Variants in CDH7 observed in about 807,000 individuals in gnomAD.
CDH7 encodes cadherin 7, also known as cadherin-7.
A neutral mutation model predicts 71.8 loss-of-function variants in CDH7; 25 were observed. The observed-to-expected ratio is 0.35, with a 90% CI of 0.25 to 0.49. The LOEUF (loss-of-function observed/expected upper bound fraction) is 0.49. Ranked by LOEUF, CDH7 falls within the 20% of genes least tolerant of loss-of-function variation. The pLI, the probability that CDH7 is intolerant of heterozygous loss-of-function variation, is 0.99. For synonymous variants in CDH7, 381 were observed against 363.8 expected (o/e 1.05, Z -0.54); for missense variants, 862 against 974.6 (o/e 0.88, Z 1.54).
At chr18:65,845,537 G>A (rs1388369205) in intron 7 of CDH7, among the ~76,000 whole-genome samples, 1 of 152,098 alleles carries the variant, frequency 6.6e-6, no homozygotes, top group Non-Finnish European at 1.5e-5. Context: ...GCAAACATGA[G>A]TTTGAGTTTT....
chr18:65,860,131 G>C (rs1313020747), intron 10 of CDH7, among the ~76,000 whole-genome samples: 1 of 151,888 alleles, frequency 6.6e-6, no homozygotes, highest in Non-Finnish European at 1.5e-5. Context: ...ATAAGTTGAT[G>C]GTCAACTAAA....
chr18:65,852,321 A>G (rs1913178778), intron 7 of CDH7, among the ~76,000 whole-genome samples: 1 of 152,142 alleles, frequency 6.6e-6, no homozygotes, highest in South Asian at 2.1e-4. Flanking sequence ...AATAACCTCA[A>G]TAATAATATA....
At chr18:65,762,089 A>G (rs760283953) in intron 1 of CDH7, among the ~76,000 whole-genome samples, 4 of 152,232 alleles carry the variant, frequency 2.6e-5, no homozygotes, top group Non-Finnish European at 5.9e-5. Flanking sequence ...CAATCAAATC[A>G]GAACACATCA....
In CDH7 at chr18:65,887,558, T is replaced by A. The variant is rs1343497240; in HGVS notation, c.*6664T>A. On this transcript the variant is annotated 3_prime_UTR_variant, in exon 12 of 12. Coordinates refer to ENST00000397968, the MANE Select transcript of CDH7 (RefSeq NM_004361.5). ...AATAAGTCACTACACAACTTATATA[T>A]ATTATGTATTTGTCTTTGAATTTTG... is the stretch of plus-strand genomic sequence containing the variant. The A allele has an allele frequency of 6.6e-6, 1 of 152,122 alleles. No homozygotes were observed. The highest frequency in any genetic ancestry group is 2.4e-5 in the African/African-American group (1 of 41,416). The allele number at this position is 152,122 out of a possible 1,614,324, so 9.4% of individuals were successfully genotyped here. A position where few individuals can be genotyped will look rare whatever the true frequency, so the allele number is the denominator to read the frequency against.
At chr18:65,819,328 G>A (rs1911834323) in intron 4 of CDH7, among the ~76,000 whole-genome samples, 1 of 152,156 alleles carries the variant, frequency 6.6e-6, no homozygotes, top group Admixed American at 6.5e-5. Context: ...AGATTGCAGA[G>A]TTCGGGCACG....
chr18:65,823,122 G>A (rs1039293382), intron 5 of CDH7, among the ~76,000 whole-genome samples: 6 of 151,808 alleles, frequency 4.0e-5, no homozygotes, highest in Non-Finnish European at 7.4e-5. Flanking sequence ...ACCTTTCTGA[G>A]CAAATACAAG....
intron 3 of CDH7, 121 bp downstream of exon 3, chr18:65,810,119 T>C: frequency 2.5e-6 from 2 of 802,782 alleles, no homozygotes; most frequent in Non-Finnish European, 4.0e-6. Flanking sequence ...GTGTATTGAT[T>C]GTCAGTTAGG....
intron 6 of CDH7, among the ~76,000 whole-genome samples, chr18:65,828,420 A>G (rs1180523833): frequency 6.6e-6 from 1 of 152,132 alleles, no homozygotes; most frequent in Non-Finnish European, 1.5e-5. Flanking sequence ...TTCTATAAAT[A>G]TATTACTCTT....
At position 65,886,924 on chromosome 18, in the gene CDH7, A is replaced by G. The variant is rs1914387038; in HGVS notation, c.*6030A>G. ...ATATTACTTTTTGTCAGTGATGCCA[A>G]GATGAATGTTAATAAGCTCTCTTCT... On this transcript the variant is annotated 3_prime_UTR_variant, in exon 12 of 12. Transcript: ENST00000397968. 6.6e-6 allele frequency: 1 copy of G among 152,156 alleles called. No individual in the cohort carries two copies. Among genetic ancestry groups the G allele is most frequent in the Admixed American group, 6.5e-5 (1 of 15,276 alleles). 9.4% of individuals were successfully genotyped at this position (152,156 alleles called of 1,614,324 possible). A position where few individuals can be genotyped will look rare whatever the true frequency, so the allele number is the denominator to read the frequency against.
intron 6 of CDH7, among the ~76,000 whole-genome samples, chr18:65,836,543 T>A (rs1350086214): frequency 6.6e-6 from 1 of 152,176 alleles, no homozygotes; most frequent in African/African-American, 2.4e-5. Flanking sequence ...TAGACTGCAA[T>A]CATTTCTGCA....
At chr18:65,755,056 A>G (rs866491578) in intron 1 of CDH7, among the ~76,000 whole-genome samples, 1 of 152,192 alleles carries the variant, frequency 6.6e-6, no homozygotes, top group Non-Finnish European at 1.5e-5. Context: ...TACTTAGAAA[A>G]TTAAAACTTA....
At chr18:65,773,702 T>C (rs1399235461) in intron 2 of CDH7, among the ~76,000 whole-genome samples, 4 of 152,124 alleles carry the variant, frequency 2.6e-5, no homozygotes, top group Non-Finnish European at 4.4e-5. Flanking sequence ...AAATATGGTA[T>C]GAAAATGTAT....
At chr18:65,812,244 G>C (rs1286507440) in intron 3 of CDH7, among the ~76,000 whole-genome samples, 1 of 152,026 alleles carries the variant, frequency 6.6e-6, no homozygotes, top group Non-Finnish European at 1.5e-5. Context: ...TGGGATTACA[G>C]GTGTGTACCT....
intron 2 of CDH7, among the ~76,000 whole-genome samples, chr18:65,794,782 T>C (rs1910850751): frequency 6.6e-6 from 1 of 151,980 alleles, no homozygotes; most frequent in Non-Finnish European, 1.5e-5. Context: ...GGCTTCGTTG[T>C]TGGGGAGACC....
intron 7 of CDH7, 107 bp downstream of exon 7, chr18:65,844,172 C>CATATATATATATATAT: frequency 1.7e-5 from 1 of 59,302 alleles, no homozygotes; most frequent in Non-Finnish European, 3.1e-5. Context: ...AAATAAAAAC[C>CATATATATATATATAT]AGATATATAT....
At chr18:65,876,759 G>A (rs904188406) in intron 11 of CDH7, among the ~76,000 whole-genome samples, 3 of 152,050 alleles carry the variant, frequency 2.0e-5, no homozygotes, top group South Asian at 2.1e-4. Flanking sequence ...CCACGGAATC[G>A]TAAGGTCCAT....
chr18:65,809,313 G>C (rs933671340), intron 2 of CDH7, among the ~76,000 whole-genome samples: 1 of 152,110 alleles, frequency 6.6e-6, no homozygotes, highest in Non-Finnish European at 1.5e-5. Flanking sequence ...ATTTACAAAT[G>C]TTCTATAGAA....
At chr18:65,819,975 T>C (rs774738374) in intron 4 of CDH7, among the ~76,000 whole-genome samples, 21 of 143,424 alleles carry the variant, frequency 1.5e-4, no homozygotes, top group Non-Finnish European at 2.9e-4. Flanking sequence ...CTATCGTCTG[T>C]TACATGAGGT....
In CDH7 at chr18:65,776,758, C is replaced by A. The variant is rs183440190; in HGVS notation, c.210+13706C>A. ...CCTATACTTCATAAAGTTCTAAATT[C>A]AGAATGTGAGGTTGACAAATTCATT... is the stretch of plus-strand genomic sequence containing the variant. On this transcript the variant is annotated intron_variant, in intron 2 of 11. Coordinates refer to ENST00000397968, the MANE Select transcript of CDH7 (RefSeq NM_004361.5). Among the ~76,000 whole-genome samples, 543 of 152,228 alleles carry A rather than the reference C, an allele frequency of 3.6e-3. 1 individual carries two copies. The highest frequency in any genetic ancestry group is 0.012 in the African/African-American group (511 of 41,548).
Sources: gnomAD v4.1 joint callset for allele counts (sites outside exome capture counted in the v4.1 genomes callset) on GRCh38, gnomAD v4.1.1 for gene constraint, MANE v1.5 for transcripts, NCBI Gene and HGNC (gene_info 2026-07-23, HGNC 2026-07-21) for gene names.